PARD3: variants seen among roughly 807,000 people sequenced by gnomAD.
PARD3 encodes par-3 family cell polarity regulator, also known as partitioning defective 3 homolog.
PARD3 carries 75 observed loss-of-function variants against 155.4 expected under a neutral mutation model. The ratio of observed to expected loss-of-function variants is 0.48; its 90% CI spans 0.40 to 0.58. PARD3 has a LOEUF of 0.58. PARD3 is among the 20% of genes least tolerant of loss of function. The probability of loss-of-function intolerance (pLI) is 0.00; values close to 1 mark genes in which losing one functional copy is unlikely to be tolerated. For synonymous variants in PARD3, 576 were observed against 610.5 expected, an observed-to-expected ratio of 0.94 and a Z score of 0.83; for missense variants, 1,642 against 1,721.7, an observed-to-expected ratio of 0.95 and a Z score of 0.82.
At chr10:34,679,242 A>C (rs1170284897) in intron 2 of PARD3, among the ~76,000 whole-genome samples, 2 of 152,210 alleles carry the variant, frequency 1.3e-5, no homozygotes, top group Admixed American at 1.3e-4. Context: ...GGCATCCGGC[A>C]GTGTGGACTC....
At chr10:34,778,111 C>T (rs756106820) in intron 1 of PARD3, among the ~76,000 whole-genome samples, 7 of 152,174 alleles carry the variant, frequency 4.6e-5, no homozygotes, top group Non-Finnish European at 8.8e-5. Context: ...CATGAAATGG[C>T]GCAGCATTTG....
At chr10:34,711,847 C>T (rs2094453670) in intron 1 of PARD3, among the ~76,000 whole-genome samples, 1 of 152,144 alleles carries the variant, frequency 6.6e-6, no homozygotes, top group African/African-American at 2.4e-5. Flanking sequence ...CCCCATTCAC[C>T]CTTTATCCTG....
At chr10:34,117,863 G>A (rs1173819656) in intron 24 of PARD3, among the ~76,000 whole-genome samples, 1 of 152,104 alleles carries the variant, frequency 6.6e-6, no homozygotes, top group Non-Finnish European at 1.5e-5. Flanking sequence ...GTGAGCCAAG[G>A]TCGCGCCACT....
intron 22 of PARD3, among the ~76,000 whole-genome samples, chr10:34,228,544 T>C (rs558803746): frequency 6.6e-6 from 1 of 152,020 alleles, no homozygotes; most frequent in African/African-American, 2.4e-5. Context: ...TTTTTGTGGA[T>C]AGAAATGTTA....
At chr10:34,760,798 G>A (rs1837351318) in intron 1 of PARD3, among the ~76,000 whole-genome samples, 1 of 152,124 alleles carries the variant, frequency 6.6e-6, no homozygotes, top group Non-Finnish European at 1.5e-5. Context: ...GAATAAGCTT[G>A]GAAGCAGAAT....
At chr10:34,699,699 T>G (rs967864557) in intron 1 of PARD3, among the ~76,000 whole-genome samples, 2 of 152,136 alleles carry the variant, frequency 1.3e-5, no homozygotes, top group African/African-American at 4.8e-5. Context: ...GCATGATGGC[T>G]CATCCCTGTA....
chr10:34,447,130 T>C (rs978247744), intron 5 of PARD3, among the ~76,000 whole-genome samples: 1 of 151,912 alleles, frequency 6.6e-6, no homozygotes, highest in Non-Finnish European at 1.5e-5. Context: ...ACCAGGGAAA[T>C]GTAAATCAAA....
rs765678304 is a variant in PARD3, at chr10:34,382,653, C to T, written c.1286G>A (p.Gly429Glu). ...CGAGGCTGGAGCGGATGGTGGTTTT[C>T]CCGAGGGGTGTGCGCTATGAGGTAG... ...SRLPHSAHPS[G>E]KPPSAPASAP... Residue 429 changes from glycine to glutamate, a missense_variant, in exon 9 of 25, where the codon GGA becomes GAA. Gly to Glu is a moderately conservative substitution (Grantham distance 98). Transcript: ENST00000374788. 17 of 1,614,064 alleles carry T rather than the reference C, an allele frequency of 1.1e-5. No homozygotes were observed. Among genetic ancestry groups the T allele is most frequent in the Admixed American group, 8.3e-5 (5 of 60,002 alleles).
rs1035526427 is a variant in PARD3 at position 34,593,675 on chromosome 10, A to G, written c.223-76516T>C. Among the ~76,000 whole-genome samples the G allele has an allele frequency of 2.6e-5, 4 of 152,326 alleles. No homozygotes were observed. In the East Asian group the frequency reaches 5.8e-4, roughly 22 times the overall value. ...CTTGAATAGAACCTTGAGATGATTA[A>G]TGTTTTATCAGAGATTACCCAGACA... On this transcript the variant is annotated intron_variant, in intron 2 of 24. Transcript: ENST00000374788.
chr10:34,388,434 G>T (rs143993249), intron 7 of PARD3, among the ~76,000 whole-genome samples: 5 of 152,234 alleles, frequency 3.3e-5, no homozygotes, highest in Non-Finnish European at 5.9e-5. Flanking sequence ...ATCAAAAGTA[G>T]TAAGAAGAGA....
chr10:34,661,256 T>G (rs992969771), intron 2 of PARD3, among the ~76,000 whole-genome samples: 1 of 152,208 alleles, frequency 6.6e-6, no homozygotes, highest in African/African-American at 2.4e-5. Flanking sequence ...AAACGATGCA[T>G]TTCTTGTACC....
chr10:34,762,467 GA>G (rs1409495503), intron 1 of PARD3, among the ~76,000 whole-genome samples: 2 of 93,624 alleles, frequency 2.1e-5, no homozygotes, highest in Non-Finnish European at 4.4e-5. Context: ...CACCATGCCT[GA>G]CTTTTTTTTT....
intron 22 of PARD3, among the ~76,000 whole-genome samples, chr10:34,163,210 G>A (rs993564552): frequency 2.0e-5 from 3 of 152,116 alleles, no homozygotes; most frequent in African/African-American, 4.8e-5. Flanking sequence ...AGGAAGTTAA[G>A]TCTTGGGGAG....
chr10:34,500,741 CATAAA>C lies in PARD3; in HGVS notation c.403+16233_403+16237del, dbSNP rs150041810. Among the ~76,000 whole-genome samples the C allele has an allele frequency of 5.5e-3, 830 of 152,122 alleles. 5 individuals carry two copies. Among genetic ancestry groups the C allele is most frequent in the African/African-American group, 0.019 (788 of 41,484 alleles). On this transcript the variant is annotated intron_variant, in intron 3 of 24. Coordinates refer to ENST00000374788, the MANE Select transcript of PARD3 (RefSeq NM_001184785.2). ...TGTTATGTTCCAATAACAAAAGTTA[CATAAA>C]ATAACATAAATTATAATAACATAAA...
At chr10:34,538,395 G>A (rs191236073) in intron 2 of PARD3, among the ~76,000 whole-genome samples, 2 of 152,276 alleles carry the variant, frequency 1.3e-5, no homozygotes, top group East Asian at 1.9e-4. Flanking sequence ...AGATACATTC[G>A]CTGATAAACA....
At chr10:34,236,942 C>T (rs139815551) in intron 22 of PARD3, among the ~76,000 whole-genome samples, 8 of 152,162 alleles carry the variant, frequency 5.3e-5, no homozygotes, top group Non-Finnish European at 1.5e-5. Flanking sequence ...TCAAAGTTGA[C>T]GTTAAAATAC....
intron 5 of PARD3, among the ~76,000 whole-genome samples, chr10:34,427,957 A>C (rs2075707066): frequency 6.6e-6 from 1 of 152,164 alleles, no homozygotes; most frequent in Admixed American, 6.5e-5. Flanking sequence ...GGGGAGCTGG[A>C]CAGTGAAGTG....
chr10:34,642,074 A>T (rs2092695664), intron 2 of PARD3, among the ~76,000 whole-genome samples: 1 of 151,860 alleles, frequency 6.6e-6, no homozygotes, highest in Non-Finnish European at 1.5e-5. Context: ...GTATCCACTC[A>T]CCTGGGGCCC....
intron 1 of PARD3, among the ~76,000 whole-genome samples, chr10:34,742,528 C>T (rs72783660): frequency 2.5e-4 from 38 of 152,240 alleles, no homozygotes; most frequent in Non-Finnish European, 4.6e-4. Context: ...TTTCAGTTTC[C>T]GTGTTCATTA....
Sources: allele counts gnomAD v4.1 joint callset (sites outside exome capture counted in the v4.1 genomes callset), GRCh38; gene constraint gnomAD v4.1.1; transcripts MANE v1.5; gene names NCBI Gene and HGNC (gene_info 2026-07-23, HGNC 2026-07-21).